TTF1: variants seen among roughly 807,000 people sequenced by gnomAD.
TTF1 encodes transcription termination factor 1.
TTF1 carries 64 observed loss-of-function variants against 80.2 expected under a neutral mutation model. The observed-to-expected ratio is 0.80, with a 90% CI of 0.65 to 0.98. The LOEUF is 0.98. Ranked by LOEUF, TTF1 falls within the 50% of genes least tolerant of loss-of-function variation. The pLI, the probability that TTF1 is intolerant of heterozygous loss-of-function variation, is 0.00. For synonymous variants in TTF1, 372 were observed against 382.7 expected, an observed-to-expected ratio of 0.97 and a Z score of 0.33; for missense variants, 1,023 against 1,086.2, an observed-to-expected ratio of 0.94 and a Z score of 0.82.
At chr9:132,385,365 T>G (rs1748564391) in intron 9 of TTF1, among the ~76,000 whole-genome samples, 1 of 152,190 alleles carries the variant, frequency 6.6e-6, no homozygotes. Flanking sequence ...AGTTCCAAAT[T>G]GGGTACACAA....
At chr9:132,376,640 A>G (rs889802814) in intron 10 of TTF1, among the ~76,000 whole-genome samples, 2 of 151,702 alleles carry the variant, frequency 1.3e-5, no homozygotes, top group African/African-American at 4.8e-5. Context: ...TAGGTCTGAA[A>G]TGAGGCCCAG....
rs185996276 is a variant in TTF1 at position 132,379,125 on chromosome 9, C to T, written c.2398G>A (p.Val800Ile). 962 of 1,605,424 alleles carry T rather than the reference C, an allele frequency of 6.0e-4. 2 individuals are homozygous for T. Among genetic ancestry groups the T allele is most frequent in the East Asian group, 4.3e-4 (19 of 44,692 alleles). The change falls in exon 10 of 11, where the codon GTT becomes ATT. Residue 800 changes from valine (V) to isoleucine (I), a missense_variant. Physicochemically the swap from Val to Ile is conservative, Grantham distance 29 (BLOSUM62 3). Transcript: ENST00000334270. ...SAIGDVPPSY[V>I]QTKFSRLKAV... Reference sequence around the variant, plus strand: ...TTCAGCCTAGAAAATTTAGTTTGAACGTAAGATGGAGGAACATCACTTTAG... The same window carrying T: ...TTCAGCCTAGAAAATTTAGTTTGAATGTAAGATGGAGGAACATCACTTTAG...
chr9:132,386,122 G>T (rs537671338), intron 9 of TTF1, among the ~76,000 whole-genome samples: 101 of 152,196 alleles, frequency 6.6e-4, no homozygotes, highest in Middle Eastern at 3.4e-3. Context: ...AGGTCAACTC[G>T]ACTGTATGGT....
Position 132,406,778 on chromosome 9 carries a change from C to T in TTF1, c.-8+12G>A, listed in dbSNP as rs141355802. ...TTGAAAAACAGAAACAACAAAGGCGCTTTCAACTTACCCTCCGAAAGCGCC... is the reference window on the plus strand; with the variant it reads ...TTGAAAAACAGAAACAACAAAGGCGTTTTCAACTTACCCTCCGAAAGCGCC... On this transcript the variant is annotated intron_variant, in intron 1 of 10. Coordinates refer to ENST00000334270, the MANE Select transcript of TTF1 (RefSeq NM_007344.4). 1 of 152,292 alleles carries T rather than the reference C, an allele frequency of 6.6e-6. No homozygotes were observed. Among genetic ancestry groups the T allele is most frequent in the African/African-American group, 2.4e-5 (1 of 41,554 alleles). The allele number at this position is 152,292 out of a possible 1,614,324, so 9.4% of individuals were successfully genotyped here.
chr9:132,385,131 C>T (rs1849437370), intron 9 of TTF1, among the ~76,000 whole-genome samples: 1 of 152,180 alleles, frequency 6.6e-6, no homozygotes, highest in Admixed American at 6.5e-5. Flanking sequence ...GTCATTTAAC[C>T]AGCGCTAAAG....
intron 5 of TTF1, among the ~76,000 whole-genome samples, chr9:132,395,427 A>G (rs890641948): frequency 6.6e-6 from 1 of 152,158 alleles, no homozygotes; most frequent in Non-Finnish European, 1.5e-5. Context: ...TGTGTGTCAC[A>G]GGTGGAAATA....
chr9:132,392,718 A>G (rs939661286), intron 5 of TTF1, among the ~76,000 whole-genome samples: 2 of 152,080 alleles, frequency 1.3e-5, no homozygotes, highest in Admixed American at 6.6e-5. Context: ...GAAACATAAT[A>G]CGAGCCTCTT....
intron 2 of TTF1, among the ~76,000 whole-genome samples, chr9:132,400,581 C>T (rs1849742526): frequency 6.6e-6 from 1 of 152,176 alleles, no homozygotes; most frequent in Non-Finnish European, 1.5e-5. Context: ...CCTTGGCCTC[C>T]CAAAGTGCTG....
chr9:132,395,752 G>A (rs946956217), intron 5 of TTF1, among the ~76,000 whole-genome samples: 10 of 152,228 alleles, frequency 6.6e-5, no homozygotes, highest in Non-Finnish European at 1.5e-4. Flanking sequence ...TATGAAAGCT[G>A]CCTCTCAGAG....
Position 132,400,099 on chromosome 9 carries a change from G to C in TTF1, c.1527C>G (p.Ala509=). The C allele has an allele frequency of 6.2e-7, 1 of 1,614,140 alleles. No homozygotes were observed. The highest frequency in any genetic ancestry group is 8.5e-7 in the Non-Finnish European group (1 of 1,180,030). The change falls in exon 3 of 11, where the codon GCC becomes GCG. Residue 509 remains alanine (A), a synonymous_variant. Coordinates refer to ENST00000334270, the MANE Select transcript of TTF1 (RefSeq NM_007344.4). ...GGTACATCCGCTTGATTGTGCTGGTGGCCCTGTCCTTGATGTTAGGAATGA... is the reference window on the plus strand; with the variant it reads ...GGTACATCCGCTTGATTGTGCTGGTCGCCCTGTCCTTGATGTTAGGAATGA... ...QEFIPNIKDR[A]TSTIKRMYRD... is the part of the protein sequence containing the mutation.
At chr9:132,398,015 T>A in intron 4 of TTF1, 126 bp downstream of exon 4, 1 of 637,890 alleles carries the variant, frequency 1.6e-6, no homozygotes, top group African/African-American at 1.9e-5. Context: ...TCATCAGCCA[T>A]CACAGCAGTT....
chr9:132,381,669 A>C (rs2131623911), intron 9 of TTF1, among the ~76,000 whole-genome samples: 1 of 152,278 alleles, frequency 6.6e-6, no homozygotes, highest in South Asian at 2.1e-4. Context: ...CAGATGAGCT[A>C]GAAAAGAAAA....
intron 8 of TTF1, 73 bp from the exon 9 acceptor site, chr9:132,386,694 T>A: frequency 8.0e-7 from 1 of 1,246,084 alleles, no homozygotes; most frequent in Non-Finnish European, 1.2e-6. Context: ...ACGCGTGGAG[T>A]GCTGAGAGCT....
intron 10 of TTF1, among the ~76,000 whole-genome samples, chr9:132,378,629 T>C (rs1432169735): frequency 8.2e-6 from 1 of 122,036 alleles, no homozygotes; most frequent in African/African-American, 3.6e-5. Context: ...GTGCATGTGG[T>C]TGGTGTGAGT....
At chr9:132,397,986 A>G in intron 4 of TTF1, among the ~76,000 whole-genome samples, 155 bp downstream of exon 4, 1 of 140,200 alleles carries the variant, frequency 7.1e-6, no homozygotes, top group Admixed American at 7.0e-5. Flanking sequence ...ACTCCGTCTC[A>G]AAAAAAAAAA....
intron 3 of TTF1, among the ~76,000 whole-genome samples, 191 bp downstream of exon 3, chr9:132,399,844 A>C (rs1197046287): frequency 1.3e-5 from 2 of 152,214 alleles, no homozygotes; most frequent in African/African-American, 4.8e-5. Flanking sequence ...GAAACTGGGC[A>C]AGAAGAGGAA....
At chr9:132,386,053 T>C (rs1002876143) in intron 9 of TTF1, among the ~76,000 whole-genome samples, 2 of 152,172 alleles carry the variant, frequency 1.3e-5, no homozygotes, top group Non-Finnish European at 2.9e-5. Flanking sequence ...AGGTATGTAC[T>C]GGGAAAATTC....
At chr9:132,378,420 AGTGCATGTGGTGTGT>A (rs1849290348) in intron 10 of TTF1, among the ~76,000 whole-genome samples, 1 of 78,402 alleles carries the variant, frequency 1.3e-5, no homozygotes, top group East Asian at 5.5e-4. Flanking sequence ...ATGTGGTGTG[AGTGCATGTGGTGTGT>A]GAATGCATGT....
At chr9:132,378,778 G>A (rs1326904792) in intron 10 of TTF1, among the ~76,000 whole-genome samples, 1 of 151,966 alleles carries the variant, frequency 6.6e-6, no homozygotes, top group East Asian at 1.9e-4. Flanking sequence ...TGTGCTGTGT[G>A]CACGAGTGTG....
Sources: allele counts gnomAD v4.1 joint callset (sites outside exome capture counted in the v4.1 genomes callset), GRCh38; gene constraint gnomAD v4.1.1; transcripts MANE v1.5; gene names NCBI Gene and HGNC (gene_info 2026-07-23, HGNC 2026-07-21).